Variants in GLT1D1 observed in about 807,000 individuals in gnomAD.
The protein encoded by GLT1D1 is glycosyltransferase 1 domain containing 1.
Under a neutral mutation model 28.7 loss-of-function variants are expected in GLT1D1, and 21 were observed. That is an observed-to-expected ratio of 0.73 (90% confidence interval 0.52 to 1.05). GLT1D1 has a LOEUF of 1.05. GLT1D1 is among the 50% of genes least tolerant of loss of function. GLT1D1 has a pLI of 0.00. For synonymous variants in GLT1D1, 147 were observed against 124.8 expected, an observed-to-expected ratio of 1.18 and a Z score of -1.19; for missense variants, 343 against 330.6, an observed-to-expected ratio of 1.04 and a Z score of -0.29.
intron 2 of GLT1D1, among the ~76,000 whole-genome samples, chr12:128,882,768 G>A (rs78148674): frequency 0.016 from 2,485 of 152,174 alleles, 160 homozygotes; most frequent in Admixed American, 0.1. Flanking sequence ...CCTTAACTTA[G>A]ATGGAATGGA....
At chr12:128,858,101 G>T (rs1352197116) in intron 1 of GLT1D1, among the ~76,000 whole-genome samples, 1 of 152,174 alleles carries the variant, frequency 6.6e-6, no homozygotes, top group East Asian at 1.9e-4. Context: ...CGTTTTTAAA[G>T]CAGTGTCTGG....
At chr12:128,946,528 AAT>A (rs1876103924) in intron 5 of GLT1D1, among the ~76,000 whole-genome samples, 1 of 150,358 alleles carries the variant, frequency 6.7e-6, no homozygotes, top group Non-Finnish European at 1.5e-5. Context: ...TTGTATTTTT[AAT>A]AGAGACAGGG....
rs34715979 is a variant in GLT1D1 at position 128,855,746 on chromosome 12, C to CTT, written c.68+2120_68+2121dup. ...AGCAGCCCCAAGGGCTGCTGGTTGC[C>CTT]TTTTTTTTTTTTTTTTTTTTTTTTG... On this transcript the variant is annotated intron_variant, in intron 1 of 7. Coordinates refer to ENST00000281703, the MANE Select transcript of GLT1D1 (RefSeq NM_144669.3). 2.0e-3 allele frequency among the ~76,000 whole-genome samples: 189 copies of CTT among 95,116 alleles called. 1 individual carries two copies. Among genetic ancestry groups the CTT allele is most frequent in the Non-Finnish European group, 2.7e-3 (137 of 50,864 alleles). The allele number at this position is 95,116 out of a possible 152,430, so 62.4% of individuals were successfully genotyped here.
intron 3 of GLT1D1, among the ~76,000 whole-genome samples, chr12:128,892,458 T>TTACGGAAGAAAAACAATTCTGTTTAC (rs1354607394): frequency 2.6e-5 from 4 of 152,226 alleles, no homozygotes; most frequent in African/African-American, 9.6e-5. Context: ...ATGCACTGCC[T>TTACGGAAGAAAAACAATTCTGTTTAC]TACGGAAGAA....
At chr12:128,960,308 G>A (rs1877804258) in intron 7 of GLT1D1, among the ~76,000 whole-genome samples, 1 of 152,052 alleles carries the variant, frequency 6.6e-6, no homozygotes, top group South Asian at 2.1e-4. Flanking sequence ...TTTTCTTTAC[G>A]GTCTTCTTCC....
At chr12:128,947,236 C>A in intron 5 of GLT1D1, 102 bp from the exon 10 acceptor site, 1 of 1,322,286 alleles carries the variant, frequency 7.6e-7, no homozygotes, top group Non-Finnish European at 1.1e-6. Flanking sequence ...TGCTTACTTG[C>A]TGATCTAGAG....
intron 3 of GLT1D1, among the ~76,000 whole-genome samples, chr12:128,890,011 C>T (rs535260357): frequency 1.3e-4 from 20 of 152,206 alleles, no homozygotes; most frequent in East Asian, 3.9e-4. Flanking sequence ...TGGCCTCAAG[C>T]GATCCACCTG....
chr12:128,870,562 A>G (rs1956657634), intron 1 of GLT1D1, among the ~76,000 whole-genome samples: 1 of 152,204 alleles, frequency 6.6e-6, no homozygotes, highest in Non-Finnish European at 1.5e-5. Context: ...GAAGGAGAGA[A>G]CATAGATCGA....
In GLT1D1 at chr12:128,956,835, C is replaced by T. The variant is rs73416797; in HGVS notation, c.541-710C>T. Among the ~76,000 whole-genome samples the T allele has an allele frequency of 8.9e-3, 1,348 of 152,256 alleles. 13 individuals carry two copies. Among genetic ancestry groups the T allele is most frequent in the African/African-American group, 0.03 (1,246 of 41,528 alleles). On this transcript the variant is annotated intron_variant, in intron 6 of 7. Coordinates refer to ENST00000281703, the MANE Select transcript of GLT1D1 (RefSeq NM_144669.3). ...TCTTTTTGAAGTTGCAAAATTGTCCCGCTGTGGTCAGTGGGATCCCCTTGA... is the reference window on the plus strand; with the variant it reads ...TCTTTTTGAAGTTGCAAAATTGTCCTGCTGTGGTCAGTGGGATCCCCTTGA...
chr12:128,896,529 A>G (rs956506833), intron 3 of GLT1D1, among the ~76,000 whole-genome samples: 2 of 130,282 alleles, frequency 1.5e-5, no homozygotes, highest in Admixed American at 7.8e-5. Context: ...CTGTGACTAT[A>G]TTTTCATTGT....
At chr12:128,866,899 GCA>G (rs1956542942) in intron 1 of GLT1D1, among the ~76,000 whole-genome samples, 1 of 151,774 alleles carries the variant, frequency 6.6e-6, no homozygotes, top group South Asian at 2.1e-4. Context: ...GGGATTACAG[GCA>G]TGAGCCACTG....
chr12:128,943,980 C>T (rs1280300781), intron 4 of GLT1D1, among the ~76,000 whole-genome samples: 1 of 152,136 alleles, frequency 6.6e-6, no homozygotes, highest in Admixed American at 6.5e-5. Context: ...ACTTAGATTA[C>T]TACCAAATGC....
chr12:128,928,629 T>C (rs1410425636), intron 4 of GLT1D1, among the ~76,000 whole-genome samples: 1 of 151,426 alleles, frequency 6.6e-6, no homozygotes, highest in Admixed American at 6.6e-5. Context: ...TTTTTCTTTC[T>C]TTCTTTTTGA....
intron 4 of GLT1D1, among the ~76,000 whole-genome samples, chr12:128,932,172 T>C (rs1421093931): frequency 6.6e-6 from 1 of 152,188 alleles, no homozygotes; most frequent in Non-Finnish European, 1.5e-5. Flanking sequence ...GGGGAAGCTT[T>C]AGCTCCTCCT....
chr12:128,880,570 C>G (rs976847232), intron 2 of GLT1D1, among the ~76,000 whole-genome samples: 11 of 152,190 alleles, frequency 7.2e-5, no homozygotes. Flanking sequence ...GAGGTTTTCA[C>G]TTAGCAAAGT....
chr12:128,866,884 G>T (rs1351090261), intron 1 of GLT1D1, among the ~76,000 whole-genome samples: 1 of 151,494 alleles, frequency 6.6e-6, no homozygotes, highest in African/African-American at 2.4e-5. Context: ...GCCTCCCAAA[G>T]TGCTGGGATT....
chr12:128,888,479 C>T (rs541400379), intron 2 of GLT1D1, among the ~76,000 whole-genome samples, 160 bp from the exon 3 acceptor site: 2 of 152,282 alleles, frequency 1.3e-5, no homozygotes, highest in African/African-American at 4.8e-5. Flanking sequence ...TGTAGTGATA[C>T]CTATTCTGCT....
chr12:128,892,756 G>T (rs144388312), intron 3 of GLT1D1, among the ~76,000 whole-genome samples: 2,812 of 151,924 alleles, frequency 0.019, 43 homozygotes, highest in Middle Eastern at 0.048. Flanking sequence ...GTCTATTTTT[G>T]AAGTTTTTTT....
In GLT1D1 at chr12:128,955,369, T is replaced by A. The variant is rs547225079; in HGVS notation, c.541-2176T>A. ...TCTGAAAGAAGGTGGTTGAGGTTGA[T>A]CAAGGCACTGCTAATATTTCTCTCT... is the stretch of plus-strand genomic sequence containing the variant. On this transcript the variant is annotated intron_variant, in intron 6 of 7. Coordinates refer to ENST00000281703, the MANE Select transcript of GLT1D1 (RefSeq NM_144669.3). Among the ~76,000 whole-genome samples the A allele has an allele frequency of 4.6e-5, 7 of 152,314 alleles. No individual in the cohort carries two copies. The South Asian group carries it at 1.5e-3, about 32-fold the overall frequency.
Sources: allele counts gnomAD v4.1 joint callset (sites outside exome capture counted in the v4.1 genomes callset), GRCh38; gene constraint gnomAD v4.1.1; transcripts MANE v1.5; gene names NCBI Gene and HGNC (gene_info 2026-07-23, HGNC 2026-07-21).